PARG: variants seen among roughly 807,000 people sequenced by gnomAD.
PARG encodes the protein poly(ADP-ribose) glycohydrolase.
In PARG, 35 loss-of-function variants were observed where a neutral mutation model predicts 113.0. The ratio of observed to expected loss-of-function variants is 0.31; its 90% CI spans 0.24 to 0.41. The LOEUF is 0.41. Among genes scored for constraint, PARG ranks in the 10% least tolerant of loss-of-function variants. The probability of loss-of-function intolerance (pLI) is 1.00; values close to 1 mark genes in which losing one functional copy is unlikely to be tolerated. For missense variants in PARG, 797 were observed against 1,169.4 expected (o/e 0.68, Z 4.64); for synonymous variants, 330 against 409.9 (o/e 0.81, Z 2.36).
intron 4 of PARG, among the ~76,000 whole-genome samples, chr10:49,923,480 G>A (rs1350461487): frequency 5.3e-5 from 8 of 151,866 alleles, no homozygotes; most frequent in African/African-American, 1.9e-4. Context: ...ACACACATAT[G>A]CTACTATAAT....
intron 16 of PARG, among the ~76,000 whole-genome samples, chr10:49,828,092 CAAAAAAAAAAAAAAA>C (rs71026274): frequency 7.7e-4 from 39 of 50,416 alleles, no homozygotes; most frequent in African/African-American, 2.9e-3. Context: ...AAAGCTTAAA[CAAAAAAAAAAAAAAA>C]AAAAAAAAAA....
chr10:49,920,493 T>C (rs1393646370), intron 6 of PARG, among the ~76,000 whole-genome samples: 64 of 94,318 alleles, frequency 6.8e-4, no homozygotes, highest in African/African-American at 2.4e-3. Flanking sequence ...TATATATATA[T>C]ATATACACAC....
chr10:49,926,009 C>A (rs1291753772), intron 4 of PARG, among the ~76,000 whole-genome samples: 1 of 152,206 alleles, frequency 6.6e-6, no homozygotes, highest in Non-Finnish European at 1.5e-5. Flanking sequence ...GTCGTACAAT[C>A]TAAACTAATT....
chr10:49,926,072 G>A (rs530061109), intron 4 of PARG, among the ~76,000 whole-genome samples: 17 of 152,362 alleles, frequency 1.1e-4, no homozygotes, highest in Non-Finnish European at 2.1e-4. Context: ...GTGAAAGAAA[G>A]CGGAGAGGAA....
chr10:49,886,096 C>CA (rs1158611982), intron 7 of PARG, among the ~76,000 whole-genome samples: 1 of 152,188 alleles, frequency 6.6e-6, no homozygotes, highest in Non-Finnish European at 1.5e-5. Context: ...GAAGAGGCCT[C>CA]AGTTATAATC....
At chr10:49,877,890 T>C (rs1425622588) in intron 9 of PARG, among the ~76,000 whole-genome samples, 1 of 140,658 alleles carries the variant, frequency 7.1e-6, no homozygotes. Flanking sequence ...CACCAATGGA[T>C]GCCAAAATTA....
chr10:49,899,884 T>C (rs1848270905), intron 7 of PARG, among the ~76,000 whole-genome samples: 1 of 152,178 alleles, frequency 6.6e-6, no homozygotes, highest in Admixed American at 6.5e-5. Context: ...CTGATAAAAA[T>C]CACAGCTCAT....
At chr10:49,920,260 G>C (rs1837722282) in intron 6 of PARG, among the ~76,000 whole-genome samples, 1 of 151,096 alleles carries the variant, frequency 6.6e-6, no homozygotes, top group African/African-American at 2.4e-5. Flanking sequence ...AGGGAACACA[G>C]AGAAACCCCG....
At chr10:49,940,854 C>T (rs1839011491) in intron 1 of PARG, among the ~76,000 whole-genome samples, 1 of 152,182 alleles carries the variant, frequency 6.6e-6, no homozygotes, top group South Asian at 2.1e-4. Context: ...ACACTTCTTA[C>T]TTCCTCTTCA....
chr10:49,866,485 A>G (rs1174577798), intron 10 of PARG, among the ~76,000 whole-genome samples: 8 of 151,950 alleles, frequency 5.3e-5, no homozygotes, highest in Non-Finnish European at 8.8e-5. Context: ...AGATAAATGG[A>G]TAACATATTT....
chr10:49,893,300 GC>G (rs1407091470), intron 7 of PARG, among the ~76,000 whole-genome samples: 2 of 152,110 alleles, frequency 1.3e-5, no homozygotes, highest in African/African-American at 4.8e-5. Flanking sequence ...GTTATAACTG[GC>G]ATTTCTCCAG....
intron 15 of PARG, among the ~76,000 whole-genome samples, chr10:49,834,231 G>A (rs1424576069): frequency 1.3e-5 from 2 of 152,090 alleles, no homozygotes; most frequent in African/African-American, 2.4e-5. Context: ...TGTCATTAAC[G>A]AACAAGGGAA....
chr10:49,868,956 T>A, intron 10 of PARG, among the ~76,000 whole-genome samples: 1 of 152,122 alleles, frequency 6.6e-6, no homozygotes, highest in Non-Finnish European at 1.5e-5. Context: ...TTACTATTAC[T>A]GTCTTAGCTG....
chr10:49,934,953 A>T (rs1285752231), intron 2 of PARG, 123 bp downstream of exon 2: 6 of 624,372 alleles, frequency 9.6e-6, no homozygotes, highest in African/African-American at 1.9e-5. Flanking sequence ...TTATAAGTTG[A>T]TTTTGAATTA....
At chr10:49,851,129 A>G (rs1183929811) in intron 13 of PARG, among the ~76,000 whole-genome samples, 1 of 152,142 alleles carries the variant, frequency 6.6e-6, no homozygotes, top group African/African-American at 2.4e-5. Flanking sequence ...TGACCTCTTC[A>G]TGATTTTTTA....
At chr10:49,877,048 G>C (rs1846977470) in intron 9 of PARG, among the ~76,000 whole-genome samples, 1 of 148,796 alleles carries the variant, frequency 6.7e-6, no homozygotes, top group East Asian at 2.0e-4. Flanking sequence ...TGATAGTAGA[G>C]GGTAACCATA....
intron 16 of PARG, among the ~76,000 whole-genome samples, chr10:49,831,622 GA>G (rs1554830278): frequency 6.6e-6 from 1 of 152,150 alleles, no homozygotes; most frequent in East Asian, 1.9e-4. Context: ...AGACTTCAAT[GA>G]AATCTTTGGT....
At chr10:49,899,260 A>G (rs1341139554) in intron 7 of PARG, among the ~76,000 whole-genome samples, 3 of 152,258 alleles carry the variant, frequency 2.0e-5, no homozygotes, top group Non-Finnish European at 2.9e-5. Flanking sequence ...TCAAAAATTA[A>G]AAGTACAAAA....
chr10:49,897,759 G>A (rs1419647464), intron 7 of PARG, among the ~76,000 whole-genome samples: 3 of 152,180 alleles, frequency 2.0e-5, no homozygotes, highest in African/African-American at 4.8e-5. Flanking sequence ...TATAACCCCA[G>A]TATTTTGGGA....
Sources: allele counts gnomAD v4.1 joint callset (sites outside exome capture counted in the v4.1 genomes callset), GRCh38; gene constraint gnomAD v4.1.1; transcripts MANE v1.5; gene names NCBI Gene and HGNC (gene_info 2026-07-23, HGNC 2026-07-21).